MAGI1: variants seen among roughly 807,000 people sequenced by gnomAD.
MAGI1 encodes the protein membrane-associated guanylate kinase, WW and PDZ domain-containing protein 1.
Under a neutral mutation model 139.9 loss-of-function variants are expected in MAGI1, and 58 were observed. That is an observed-to-expected ratio of 0.41 (90% CI 0.34 to 0.52). The LOEUF (loss-of-function observed/expected upper bound fraction) is 0.52. Ranked by LOEUF, MAGI1 falls within the 20% of genes least tolerant of loss-of-function variation. The pLI, the probability that MAGI1 is intolerant of heterozygous loss-of-function variation, is 0.12. For missense variants in MAGI1, 1,874 were observed against 1,901.6 expected (o/e 0.99, Z 0.27); for synonymous variants, 812 against 737.9 (o/e 1.10, Z -1.63).
At chr3:65,817,907 A>G (rs1222246154) in intron 1 of MAGI1, among the ~76,000 whole-genome samples, 1 of 152,234 alleles carries the variant, frequency 6.6e-6, no homozygotes, top group Admixed American at 6.5e-5. Flanking sequence ...AGAAATTTGG[A>G]CTACGATAAT....
At chr3:65,857,519 G>A (rs936691707) in intron 1 of MAGI1, among the ~76,000 whole-genome samples, 2 of 152,180 alleles carry the variant, frequency 1.3e-5, no homozygotes, top group Middle Eastern at 3.2e-3. Context: ...CAAGAGCAGA[G>A]GGTCCTGCTG....
At chr3:66,036,578 G>A (rs2068932540) in intron 1 of MAGI1, among the ~76,000 whole-genome samples, 1 of 152,150 alleles carries the variant, frequency 6.6e-6, no homozygotes, top group Non-Finnish European at 1.5e-5. Context: ...ATAAATACAA[G>A]GAGCTTTCCA....
chr3:65,614,664 T>C (rs1015251970), intron 2 of MAGI1, among the ~76,000 whole-genome samples: 1 of 152,130 alleles, frequency 6.6e-6, no homozygotes, highest in Admixed American at 6.6e-5. Context: ...CAGTAATAAC[T>C]ACCACTAGCA....
intron 1 of MAGI1, among the ~76,000 whole-genome samples, chr3:65,732,323 C>G (rs1296054530): frequency 6.6e-6 from 1 of 152,178 alleles, no homozygotes; most frequent in African/African-American, 2.4e-5. Context: ...GTACACAAAC[C>G]CACTTCTCAT....
intron 1 of MAGI1, among the ~76,000 whole-genome samples, chr3:65,867,617 C>T (rs1409948669): frequency 1.3e-5 from 2 of 152,098 alleles, no homozygotes; most frequent in African/African-American, 4.8e-5. Context: ...CGCCTAAAGT[C>T]CCAGTTACTG....
chr3:65,931,354 C>A (rs13071979), intron 1 of MAGI1, among the ~76,000 whole-genome samples: 33,664 of 152,076 alleles, frequency 0.22, 4,824 homozygotes, highest in Non-Finnish European at 0.31. Context: ...TCTTAATAAA[C>A]ATCCTTTCAC....
At chr3:65,743,261 C>A (rs2035425360) in intron 1 of MAGI1, among the ~76,000 whole-genome samples, 1 of 152,166 alleles carries the variant, frequency 6.6e-6, no homozygotes, top group Admixed American at 6.5e-5. Flanking sequence ...CAACTTTATA[C>A]CAAGCTTTTA....
intron 1 of MAGI1, among the ~76,000 whole-genome samples, chr3:65,716,934 T>G (rs549600128): frequency 1.3e-5 from 2 of 152,302 alleles, no homozygotes; most frequent in South Asian, 4.1e-4. Flanking sequence ...TGGTGAATGT[T>G]GTAGGCAGAA....
intron 2 of MAGI1, among the ~76,000 whole-genome samples, chr3:65,611,606 T>C (rs2083124045): frequency 7.3e-6 from 1 of 137,584 alleles, no homozygotes. Flanking sequence ...ACAGTATATA[T>C]ATACTATACT....
intron 1 of MAGI1, among the ~76,000 whole-genome samples, chr3:65,923,183 C>CCCAT (rs1198069549): frequency 8.5e-5 from 13 of 152,058 alleles, no homozygotes; most frequent in Admixed American, 6.5e-4. Context: ...TATCCATCCA[C>CCCAT]CCGTCCATGC....
chr3:65,711,360 C>T (rs1013656567), intron 1 of MAGI1, among the ~76,000 whole-genome samples: 3 of 152,114 alleles, frequency 2.0e-5, no homozygotes, highest in African/African-American at 7.2e-5. Context: ...TACTTTGGAA[C>T]CACATAAACG....
At chr3:65,375,167 G>C (rs1380416752) in intron 18 of MAGI1, among the ~76,000 whole-genome samples, 1 of 151,698 alleles carries the variant, frequency 6.6e-6, no homozygotes, top group Admixed American at 6.6e-5. Flanking sequence ...GTTGAGGAAA[G>C]GGTGAAGATT....
At chr3:65,543,325 T>C (rs1254194127) in intron 2 of MAGI1, among the ~76,000 whole-genome samples, 1 of 152,154 alleles carries the variant, frequency 6.6e-6, no homozygotes, top group African/African-American at 2.4e-5. Context: ...AGTTCAACCA[T>C]TGTGGAAGAC....
chr3:65,360,940 G>A, intron 22 of MAGI1: 1 of 1,411,892 alleles, frequency 7.1e-7, no homozygotes, highest in Non-Finnish European at 9.2e-7. Flanking sequence ...GGTCGGACTA[G>A]ACAAAACGTT....
chr3:65,744,679 G>C (rs1411060085), intron 1 of MAGI1, among the ~76,000 whole-genome samples: 2 of 150,878 alleles, frequency 1.3e-5, no homozygotes. Flanking sequence ...AGACTGTCAG[G>C]AAATGTTTTT....
At chr3:65,555,486 C>G (rs1282435835) in intron 2 of MAGI1, among the ~76,000 whole-genome samples, 1 of 152,124 alleles carries the variant, frequency 6.6e-6, no homozygotes, top group Non-Finnish European at 1.5e-5. Flanking sequence ...TGTCCAATGC[C>G]TGGTACGTAG....
At chr3:65,786,479 T>A (rs1034557788) in intron 1 of MAGI1, among the ~76,000 whole-genome samples, 4 of 151,978 alleles carry the variant, frequency 2.6e-5, no homozygotes, top group Admixed American at 1.3e-4. Flanking sequence ...GCTAACTTAC[T>A]GTATTTTTTG....
chr3:65,786,809 A>T (rs977865081), intron 1 of MAGI1, among the ~76,000 whole-genome samples: 7 of 151,452 alleles, frequency 4.6e-5, no homozygotes, highest in Non-Finnish European at 1.0e-4. Context: ...TAGAGACGGG[A>T]TTTCACCGTG....
chr3:65,852,277 A>G (rs568630514), intron 1 of MAGI1, among the ~76,000 whole-genome samples: 1 of 152,304 alleles, frequency 6.6e-6, no homozygotes, highest in East Asian at 1.9e-4. Context: ...ATTGCTGTCT[A>G]GGATGGGCTC....
Sources: gnomAD v4.1 joint callset for allele counts (sites outside exome capture counted in the v4.1 genomes callset) on GRCh38, gnomAD v4.1.1 for gene constraint, MANE v1.5 for transcripts, NCBI Gene and HGNC (gene_info 2026-07-23, HGNC 2026-07-21) for gene names.